The following TPRG1 variants were observed in gnomAD, a reference collection of about 807,000 sequenced individuals.
TPRG1 encodes the protein tumor protein p63 regulated 1, also known as tumor protein p63-regulated gene 1 protein.
Under a neutral mutation model 29.3 loss-of-function variants are expected in TPRG1, and 29 were observed. The ratio of observed to expected loss-of-function variants is 0.99; its 90% confidence interval spans 0.74 to 1.35. The LOEUF is 1.35. TPRG1 is among the 40% of genes most tolerant of loss of function. TPRG1 has a pLI of 0.00. For missense variants in TPRG1, 327 were observed against 335.0 expected (o/e 0.98, Z 0.19); for synonymous variants, 130 against 116.8 (o/e 1.11, Z -0.73).
intron 4 of TPRG1, among the ~76,000 whole-genome samples, chr3:189,057,810 ATATGTGTGTATATATATACACACATATG>A (rs1336560858): frequency 9.6e-4 from 139 of 144,354 alleles, no homozygotes; most frequent in South Asian, 1.9e-3. Flanking sequence ...GTATGTATAT[ATATGTGTGTATATATATACACACATATG>A]TATGTGTGTA....
At chr3:189,022,969 G>A (rs947140478) in intron 3 of TPRG1, among the ~76,000 whole-genome samples, 2 of 152,098 alleles carry the variant, frequency 1.3e-5, no homozygotes, top group African/African-American at 4.8e-5. Context: ...CGCAGTATTC[G>A]GGTGGGAGCG....
At chr3:189,055,288 C>T (rs1246096283) in intron 4 of TPRG1, among the ~76,000 whole-genome samples, 1 of 152,152 alleles carries the variant, frequency 6.6e-6, no homozygotes, top group Non-Finnish European at 1.5e-5. Context: ...AGGTTTTGAT[C>T]CTCAGAAGCA....
At chr3:189,058,415 A>AT (rs1715875218) in intron 4 of TPRG1, among the ~76,000 whole-genome samples, 1 of 152,200 alleles carries the variant, frequency 6.6e-6, no homozygotes, top group East Asian at 1.9e-4. Flanking sequence ...TGACACAGTA[A>AT]TAGGCGGAAA....
chr3:189,207,471 A>G lies in TPRG1; in HGVS notation c.87A>G (p.Leu29=), dbSNP rs1352872736. The G allele has an allele frequency of 1.9e-6, 3 of 1,614,084 alleles. No individual in the cohort carries two copies. Among genetic ancestry groups the G allele is most frequent in the South Asian group, 2.2e-5 (2 of 91,084 alleles). The part of the protein sequence containing the change: ...GDDQPSETDH[L]SMEEEDPMPR... Reference sequence around the variant, plus strand: ...ACCAACCCTCTGAGACTGACCACCTATCGATGGAGGAAGAGGACCCGATGC... The same window carrying G: ...ACCAACCCTCTGAGACTGACCACCTGTCGATGGAGGAAGAGGACCCGATGC... Residue 29 remains leucine, a synonymous_variant, in exon 2 of 6, where the codon CTA becomes CTG. Coordinates refer to ENST00000345063, the MANE Select transcript of TPRG1 (RefSeq NM_198485.4).
At chr3:189,118,706 C>T (rs1321465825) in intron 1 of TPRG1, among the ~76,000 whole-genome samples, 3 of 152,198 alleles carry the variant, frequency 2.0e-5, no homozygotes, top group African/African-American at 7.2e-5. Flanking sequence ...AAACCCCAAG[C>T]CCCAAGCCTT....
intron 5 of TPRG1, among the ~76,000 whole-genome samples, chr3:189,312,170 TTTCTTTCTTTCTTTTTTTCTTTCTTTC>T (rs1560689555): frequency 1.3e-5 from 1 of 79,324 alleles, no homozygotes; most frequent in Non-Finnish European, 2.4e-5. Flanking sequence ...TCTTTCTTTC[TTTCTTTCTTTCTTTTTTTCTTTCTTTC>T]TTTCTTTCTT....
At chr3:189,302,521 C>T (rs1308444709) in intron 4 of TPRG1, among the ~76,000 whole-genome samples, 1 of 152,100 alleles carries the variant, frequency 6.6e-6, no homozygotes, top group East Asian at 1.9e-4. Context: ...CAGTGTCTGC[C>T]GAAGTATGAC....
At chr3:189,072,896 C>T (rs375229666) in intron 4 of TPRG1, among the ~76,000 whole-genome samples, 1 of 152,124 alleles carries the variant, frequency 6.6e-6, no homozygotes, top group Non-Finnish European at 1.5e-5. Context: ...TTACTCACAT[C>T]GTCCCAGATA....
At chr3:189,170,376 C>T (rs1359531684), upstream of TPRG1, among the ~76,000 whole-genome samples, 5 of 152,114 alleles carry the variant, frequency 3.3e-5, no homozygotes, top group Non-Finnish European at 7.4e-5. Context: ...TCACCAATAA[C>T]ATTTATACCC....
At chr3:189,063,905 T>C (rs1716273965) in intron 4 of TPRG1, among the ~76,000 whole-genome samples, 1 of 152,110 alleles carries the variant, frequency 6.6e-6, no homozygotes, top group South Asian at 2.1e-4. Flanking sequence ...TTGTGGTTTA[T>C]TATAGTAAAG....
At chr3:189,281,400 C>A (rs997403298) in intron 4 of TPRG1, among the ~76,000 whole-genome samples, 3 of 152,122 alleles carry the variant, frequency 2.0e-5, no homozygotes, top group African/African-American at 7.2e-5. Context: ...CTTCGTACAC[C>A]TTTAGCCATG....
intron 4 of TPRG1, among the ~76,000 whole-genome samples, chr3:189,294,269 T>A (rs2109222816): frequency 7.4e-6 from 1 of 135,086 alleles, no homozygotes; most frequent in South Asian, 2.3e-4. Flanking sequence ...CCATGTCACC[T>A]CTGCAGTGAT....
At chr3:189,187,983 C>T (rs932300568) in intron 1 of TPRG1, among the ~76,000 whole-genome samples, 7 of 152,086 alleles carry the variant, frequency 4.6e-5, no homozygotes, top group Admixed American at 6.5e-5. Context: ...CAGGCTCCAA[C>T]GGAGGAAGTT....
intron 3 of TPRG1, among the ~76,000 whole-genome samples, chr3:189,134,425 T>A (rs994605952): frequency 3.2e-4 from 48 of 147,934 alleles, no homozygotes; most frequent in African/African-American, 1.0e-3. Flanking sequence ...TTTTTTTTTT[T>A]TTTTTGAGAC....
intron 4 of TPRG1, among the ~76,000 whole-genome samples, chr3:189,280,218 G>A (rs1160106053): frequency 6.6e-6 from 1 of 151,008 alleles, no homozygotes; most frequent in South Asian, 2.1e-4. Flanking sequence ...GCAGCCACGG[G>A]CAATATAGAA....
At chr3:189,045,701 T>A (rs1714933650) in intron 4 of TPRG1, among the ~76,000 whole-genome samples, 1 of 152,358 alleles carries the variant, frequency 6.6e-6, no homozygotes, top group Non-Finnish European at 1.5e-5. Context: ...TCCTTGATTG[T>A]ATATTTACAC....
At chr3:189,025,736 C>T (rs1008051568) in intron 4 of TPRG1, among the ~76,000 whole-genome samples, 3 of 152,144 alleles carry the variant, frequency 2.0e-5, no homozygotes, top group African/African-American at 4.8e-5. Flanking sequence ...AAGCATGTGC[C>T]TGCTTTCTGG....
chr3:189,154,022 TG>T (rs1284571593), intron 5 of TPRG1, among the ~76,000 whole-genome samples: 3 of 152,200 alleles, frequency 2.0e-5, no homozygotes, highest in African/African-American at 7.2e-5. Flanking sequence ...GCCAGCCCTT[TG>T]GGTAGAAACA....
chr3:189,212,513 AG>A (rs1735424706), intron 2 of TPRG1, among the ~76,000 whole-genome samples: 1 of 152,122 alleles, frequency 6.6e-6, no homozygotes, highest in South Asian at 2.1e-4. Flanking sequence ...ACTGGGCAAA[AG>A]GTTTCTTGAC....
Sources: allele counts gnomAD v4.1 joint callset (sites outside exome capture counted in the v4.1 genomes callset), GRCh38; gene constraint gnomAD v4.1.1; transcripts MANE v1.5; gene names NCBI Gene and HGNC (gene_info 2026-07-23, HGNC 2026-07-21).